The following PXYLP1 variants were observed in gnomAD, a reference collection of about 807,000 sequenced individuals.
The protein encoded by PXYLP1 is acid phosphatase-like 2.
PXYLP1 carries 17 observed loss-of-function variants against 37.9 expected under a neutral mutation model. That is an observed-to-expected ratio of 0.45 (90% CI 0.31 to 0.67). PXYLP1 has a LOEUF of 0.67. Among genes scored for constraint, PXYLP1 ranks in the 30% least tolerant of loss-of-function variants. The pLI is 0.07. For missense variants in PXYLP1, 511 were observed against 612.0 expected, an observed-to-expected ratio of 0.84 and a Z score of 1.74; for synonymous variants, 221 against 232.2, an observed-to-expected ratio of 0.95 and a Z score of 0.44.
rs1381143605 is a variant in PXYLP1 at position 141,253,972 on chromosome 3, C to T, written c.-53-6151C>T. ...TGTCACCCAGGCTGGAACGCAGTGG[C>T]GCAATCTCAGCTCACTGCAGCCTCC... On this transcript the variant is annotated intron_variant, in intron 1 of 5. Coordinates refer to ENST00000286353, the MANE Select transcript of PXYLP1 (RefSeq NM_001037172.3). 4.0e-5 allele frequency among the ~76,000 whole-genome samples: 6 copies of T among 151,728 alleles called. No homozygotes were observed. In the East Asian group the frequency reaches 7.7e-4, roughly 20 times the overall value.
intron 1 of PXYLP1, among the ~76,000 whole-genome samples, chr3:141,249,323 C>T (rs945566506): frequency 1.3e-5 from 2 of 152,146 alleles, no homozygotes; most frequent in East Asian, 1.9e-4. Flanking sequence ...CAGTGGCATG[C>T]GTGAGTGCTC....
intron 2 of PXYLP1, chr3:141,274,409 G>A (rs1464773947): frequency 1.4e-6 from 2 of 1,456,026 alleles, no homozygotes; most frequent in Admixed American, 4.8e-5. Context: ...GCCATGTTTG[G>A]CTGTGTTTCA....
chr3:141,253,137 A>G (rs574900537), intron 1 of PXYLP1, among the ~76,000 whole-genome samples: 5 of 152,306 alleles, frequency 3.3e-5, no homozygotes, highest in Non-Finnish European at 5.9e-5. Flanking sequence ...CAGTCAGCTT[A>G]GTGCCCAGAG....
intron 1 of PXYLP1, among the ~76,000 whole-genome samples, chr3:141,246,853 G>A (rs1940971642): frequency 6.6e-6 from 1 of 152,208 alleles, no homozygotes; most frequent in African/African-American, 2.4e-5. Context: ...CCAGCTGGCT[G>A]TTTCTCATAC....
intron 1 of PXYLP1, among the ~76,000 whole-genome samples, chr3:141,244,690 T>C (rs542996983): frequency 6.6e-6 from 1 of 151,424 alleles, no homozygotes; most frequent in Admixed American, 6.6e-5. Context: ...TTTCTTTTTT[T>C]AAGGCTGAAT....
chr3:141,233,195 C>T (rs1347317576), intron 1 of PXYLP1, among the ~76,000 whole-genome samples: 1 of 152,074 alleles, frequency 6.6e-6, no homozygotes, highest in African/African-American at 2.4e-5. Flanking sequence ...GCCTCGGGCG[C>T]GGTGGCTCAC....
rs1370284117 is a variant in PXYLP1, at chr3:141,293,572, A to T, written c.*367A>T. 2 of 190,220 alleles carry T rather than the reference A, an allele frequency of 1.1e-5. No individual in the cohort carries two copies. The highest frequency in any genetic ancestry group is 2.2e-5 in the Non-Finnish European group (2 of 92,032). 11.8% of individuals were successfully genotyped at this position (190,220 alleles called of 1,614,324 possible). A position where few individuals can be genotyped will look rare whatever the true frequency, so the allele number is the denominator to read the frequency against. ...AGCACACCTCAACCAAAATTTTTTT[A>T]ATCTTAGACATTTTTACCTTGTCCT... On this transcript the variant is annotated 3_prime_UTR_variant, in exon 6 of 6. Coordinates refer to ENST00000286353, the MANE Select transcript of PXYLP1 (RefSeq NM_001037172.3).
chr3:141,248,689 GTATATACACACA>G (rs1559881715), intron 1 of PXYLP1, among the ~76,000 whole-genome samples: 893 of 10,800 alleles, frequency 0.083, 142 homozygotes, highest in Non-Finnish European at 0.094. Context: ...ATATACACAC[GTATATACACACA>G]CGTGTATATA....
chr3:141,287,091 A>G (rs768757272), intron 4 of PXYLP1, among the ~76,000 whole-genome samples: 1 of 152,236 alleles, frequency 6.6e-6, no homozygotes, highest in East Asian at 1.9e-4. Flanking sequence ...TACTGAGTTC[A>G]GCAGAGGTTA....
intron 2 of PXYLP1, chr3:141,273,364 G>T: frequency 1.0e-6 from 1 of 985,408 alleles, no homozygotes; most frequent in Non-Finnish European, 1.2e-6. Flanking sequence ...CTACTGTCTG[G>T]CTGATGGTTA....
At position 141,292,841 on chromosome 3, in the gene PXYLP1, T is replaced by C; in HGVS notation, c.1079T>C (p.Met360Thr). 6.2e-7 allele frequency: 1 copy of C among 1,614,076 alleles called. No individual in the cohort carries two copies. The highest frequency in any genetic ancestry group is 1.3e-5 in the African/African-American group (1 of 75,026). The change falls in exon 6 of 6, where the codon ATG becomes ACG. Residue 360 changes from methionine to threonine, a missense_variant. Coordinates refer to ENST00000286353, the MANE Select transcript of PXYLP1 (RefSeq NM_001037172.3). This position sits in a 1 kb window ranked among gnomAD's most constrained non-coding sequence, Gnocchi z 4.3. ...HPILNQTIGR[M>T]QRATEGRKEE... The stretch of plus-strand genomic sequence containing the variant: ...ATCCTGAACCAAACCATCGGCCGGA[T>C]GCAGCGTGCCACCGAGGGCAGGAAA...
chr3:141,261,443 G>C (rs1941393125), intron 2 of PXYLP1, among the ~76,000 whole-genome samples: 1 of 152,302 alleles, frequency 6.6e-6, no homozygotes, highest in South Asian at 2.1e-4. Context: ...TTATGGATTA[G>C]TGCCATTTTT....
chr3:141,255,208 G>GT (rs1205855731), intron 1 of PXYLP1, among the ~76,000 whole-genome samples: 2 of 152,096 alleles, frequency 1.3e-5, no homozygotes, highest in Non-Finnish European at 2.9e-5. Context: ...TGGGTTTTCT[G>GT]TTTTTTGTTT....
chr3:141,293,108 T>C lies in PXYLP1; in HGVS notation c.1346T>C (p.Leu449Pro), dbSNP rs1251452006. The change falls in exon 6 of 6, where the codon CTT (leucine) becomes CCT (proline). Residue 449 changes from leucine (L) to proline (P), a missense_variant. Physicochemically the swap from Leu to Pro is moderately conservative, Grantham distance 98. Coordinates refer to ENST00000286353, the MANE Select transcript of PXYLP1 (RefSeq NM_001037172.3). ...CGTTCTCCCAAGCCCATGTGCCCGC[T>C]TGAAAACTTGGTCCGCTTTGTGAAA... is the stretch of plus-strand genomic sequence containing the variant. ...HKRSPKPMCP[L>P]ENLVRFVKRD... 2 of 1,614,090 alleles carry C rather than the reference T, an allele frequency of 1.2e-6. No homozygotes were observed. Among genetic ancestry groups the C allele is most frequent in the Non-Finnish European group, 1.7e-6 (2 of 1,180,040 alleles).
chr3:141,244,868 T>C (rs975463949), intron 1 of PXYLP1, among the ~76,000 whole-genome samples: 1 of 151,926 alleles, frequency 6.6e-6, no homozygotes, highest in African/African-American at 2.4e-5. Flanking sequence ...GCAAAAGATG[T>C]GCATGTTTAT....
chr3:141,260,457 A>G (rs1353046713), intron 2 of PXYLP1, among the ~76,000 whole-genome samples: 1 of 152,218 alleles, frequency 6.6e-6, no homozygotes, highest in Non-Finnish European at 1.5e-5. Flanking sequence ...CTTTTGCATG[A>G]ATTCCTGAAC....
At chr3:141,269,697 T>G (rs1941615339) in intron 2 of PXYLP1, among the ~76,000 whole-genome samples, 1 of 152,226 alleles carries the variant, frequency 6.6e-6, no homozygotes, top group African/African-American at 2.4e-5. Context: ...TTCTCAAAGA[T>G]GAGGGTCATA....
intron 1 of PXYLP1, among the ~76,000 whole-genome samples, chr3:141,257,891 C>T (rs1015608305): frequency 4.8e-5 from 5 of 103,284 alleles, no homozygotes; most frequent in East Asian, 3.0e-4. Flanking sequence ...GCTACAAGAG[C>T]GAAACTCTGT....
At chr3:141,237,791 A>C (rs1271919384) in intron 1 of PXYLP1, among the ~76,000 whole-genome samples, 2 of 152,178 alleles carry the variant, frequency 1.3e-5, no homozygotes, top group Non-Finnish European at 1.5e-5. Flanking sequence ...GTGCAGATCG[A>C]TTTCCAGGCA....
Sources: gnomAD v4.1 joint callset for allele counts (sites outside exome capture counted in the v4.1 genomes callset) on GRCh38, gnomAD v4.1.1 for gene constraint, Gnocchi (gnomAD v3.1) non-coding constraint, MANE v1.5 for transcripts, NCBI Gene and HGNC (gene_info 2026-07-23, HGNC 2026-07-21) for gene names.